The following OTULINL variants were observed in gnomAD, a reference collection of about 807,000 sequenced individuals.
OTULINL encodes the protein inactive ubiquitin thioesterase OTULINL.
In OTULINL, 42 loss-of-function variants were observed where a neutral mutation model predicts 43.9. That is an observed-to-expected ratio of 0.96 (90% CI 0.75 to 1.24). OTULINL has a LOEUF of 1.24. Ranked by LOEUF, OTULINL falls within the 50% of genes most tolerant of loss-of-function variation. OTULINL has a pLI of 0.00. For synonymous variants in OTULINL, 172 were observed against 153.6 expected, an observed-to-expected ratio of 1.12 and a Z score of -0.88; for missense variants, 411 against 426.4, an observed-to-expected ratio of 0.96 and a Z score of 0.32.
Position 14,614,536 on chromosome 5 carries a change from GA to G in OTULINL, c.*4226del, listed in dbSNP as rs1759638993. ...ATCCCATCATATTCCTTTAGGCCAAGAAAAGGAAAGCTGATTTGGATTATAT... is the reference window on the plus strand; with the variant it reads ...ATCCCATCATATTCCTTTAGGCCAAGAAAGGAAAGCTGATTTGGATTATAT... On this transcript the variant is annotated 3_prime_UTR_variant, in exon 8 of 8. Coordinates refer to ENST00000274217, the MANE Select transcript of OTULINL (RefSeq NM_019018.3). 2.5e-6 allele frequency: 1 copy of G among 398,350 alleles called. No individual in the cohort carries two copies. The highest frequency in any genetic ancestry group is 4.4e-6 in the Non-Finnish European group (1 of 226,056). The allele number at this position is 398,350 out of a possible 1,614,324, so 24.7% of individuals were successfully genotyped here.
chr5:14,608,895 A>G lies in OTULINL; in HGVS notation c.775A>G (p.Lys259Glu). 6.2e-7 allele frequency: 1 copy of G among 1,614,202 alleles called. No individual in the cohort carries two copies. The highest frequency in any genetic ancestry group is 8.5e-7 in the Non-Finnish European group (1 of 1,180,020). Residue 259 changes from lysine (K) to glutamate (E), a missense_variant, in exon 7 of 8, where the codon AAG (lysine) becomes GAG (glutamate). By Grantham distance (56) the Lys-to-Glu change is moderately conservative. Transcript: ENST00000274217. ...YQVTEVYEQMKTKKVIPSLFR... is the reference protein window; with the variant it reads ...YQVTEVYEQMETKKVIPSLFR... ...AGTCACTGAAGTTTATGAACAAATG[A>G]AGACTAAAAAGGTCATTCCCAGTCT...
At position 14,614,923 on chromosome 5, in the gene OTULINL, TGA is replaced by T. The variant is rs960779053; in HGVS notation, c.*4613_*4614del. On this transcript the variant is annotated 3_prime_UTR_variant, in exon 8 of 8. Coordinates refer to ENST00000274217, the MANE Select transcript of OTULINL (RefSeq NM_019018.3). ...AGTCATTTTGCTGCCACCAGACCAG[TGA>T]GAGTCACTCACTTATTTGTAATGAT... 2.0e-4 allele frequency: 81 copies of T among 396,498 alleles called. 1 individual carries two copies. Among genetic ancestry groups the T allele is most frequent in the Middle Eastern group, 6.3e-4 (1 of 1,600 alleles). The allele number at this position is 396,498 out of a possible 1,614,324, so 24.6% of individuals were successfully genotyped here.
intron 1 of OTULINL, among the ~76,000 whole-genome samples, chr5:14,599,455 C>T (rs1759346476): frequency 6.6e-6 from 1 of 151,672 alleles, no homozygotes; most frequent in East Asian, 1.9e-4. Flanking sequence ...ACCATTGCTA[C>T]TCCATCCTGG....
chr5:14,601,010 T>C lies in OTULINL; in HGVS notation c.110T>C (p.Leu37Ser). 6.2e-7 allele frequency: 1 copy of C among 1,609,378 alleles called. No homozygotes were observed. The highest frequency in any genetic ancestry group is 1.1e-5 in the South Asian group (1 of 90,104). ...TGGATGCTAGCTACAAGCCAAGCCT[T>C]AGACACTGTCTGGAGAATGGCAAAA... ...HSWMLATSQA[L>S]DTVWRMAKGF... The change falls in exon 2 of 8, where the codon TTA (leucine) becomes TCA (serine). Residue 37 changes from leucine (L) to serine (S), a missense_variant. Leu to Ser is a moderately radical substitution (Grantham distance 145). Coordinates refer to ENST00000274217, the MANE Select transcript of OTULINL (RefSeq NM_019018.3).
In OTULINL at chr5:14,581,949, C is replaced by A; in HGVS notation, c.55C>A (p.Pro19Thr). ...RARERERSGAPAAGSDQVHSW... is the reference protein window; with the variant it reads ...RARERERSGATAAGSDQVHSW... Reference sequence around the variant, plus strand: ...AAGGGAGCGGGAGCGGTCTGGCGCTCCCGCCGCAGGTGAGCCTGGGGCCGG... The same window carrying A: ...AAGGGAGCGGGAGCGGTCTGGCGCTACCGCCGCAGGTGAGCCTGGGGCCGG... Residue 19 changes from proline to threonine, a missense_variant, in exon 1 of 8, where the codon CCC (proline) becomes ACC (threonine). Pro to Thr is a conservative substitution (Grantham distance 38). Transcript: ENST00000274217. 1 of 1,362,318 alleles carries A rather than the reference C, an allele frequency of 7.3e-7. No homozygotes were observed. The highest frequency in any genetic ancestry group is 9.5e-7 in the Non-Finnish European group (1 of 1,057,902). The allele number at this position is 1,362,318 out of a possible 1,614,324, so 84.4% of individuals were successfully genotyped here.
chr5:14,581,831 C>T lies in OTULINL; in HGVS notation c.-64C>T. The stretch of plus-strand genomic sequence containing the variant: ...AGCCCGGGCGCCGGCGGGCGGCCGT[C>T]GCGTCTGACAGACCACTGCAGACCA... On this transcript the variant is annotated 5_prime_UTR_variant, in exon 1 of 8. Coordinates refer to ENST00000274217, the MANE Select transcript of OTULINL (RefSeq NM_019018.3). 3 of 1,264,492 alleles carry T rather than the reference C, an allele frequency of 2.4e-6. No homozygotes were observed. Among genetic ancestry groups the T allele is most frequent in the South Asian group, 2.2e-5 (1 of 45,846 alleles). The allele number at this position is 1,264,492 out of a possible 1,614,324, so 78.3% of individuals were successfully genotyped here.
chr5:14,595,154 C>T (rs1327549119), intron 1 of OTULINL, among the ~76,000 whole-genome samples: 1 of 152,200 alleles, frequency 6.6e-6, no homozygotes, highest in Non-Finnish European at 1.5e-5. Context: ...TGTCCCTGCT[C>T]CCTGGCCTGC....
rs529700692 is a variant in OTULINL, at chr5:14,602,060, A to G, written c.349-123A>G. 2.3e-5 allele frequency: 16 copies of G among 680,890 alleles called. No individual in the cohort carries two copies. In the South Asian group the frequency reaches 3.9e-4, roughly 17 times the overall value. The allele number at this position is 680,890 out of a possible 1,614,324, so 42.2% of individuals were successfully genotyped here. A position where few individuals can be genotyped will look rare whatever the true frequency, so the allele number is the denominator to read the frequency against. On this transcript the variant is annotated intron_variant, in intron 4 of 7. Transcript: ENST00000274217. Reference sequence around the variant, plus strand: ...AAAATTACATGCGGTCATATTCGTAATTTATCATTGTTTCTGTTGTCCACT... The same window carrying G: ...AAAATTACATGCGGTCATATTCGTAGTTTATCATTGTTTCTGTTGTCCACT...
intron 1 of OTULINL, 107 bp downstream of exon 1, chr5:14,582,065 G>T (rs966671114): frequency 8.2e-5 from 67 of 818,464 alleles, no homozygotes; most frequent in Admixed American, 2.3e-4. Context: ...GGCCACCTTC[G>T]CTGCCTGTTG....
At chr5:14,597,475 T>C (rs1331480465) in intron 1 of OTULINL, among the ~76,000 whole-genome samples, 2 of 152,236 alleles carry the variant, frequency 1.3e-5, no homozygotes, top group Admixed American at 1.3e-4. Flanking sequence ...TAGAGACTTC[T>C]TACTGCCTGC....
At chr5:14,605,927 C>T (rs1759467603) in intron 5 of OTULINL, among the ~76,000 whole-genome samples, 1 of 152,330 alleles carries the variant, frequency 6.6e-6, no homozygotes, top group Admixed American at 6.5e-5. Context: ...CTGTCCTCTT[C>T]TGAGCACTCC....
rs1361263749 is a variant in OTULINL at position 14,610,789 on chromosome 5, A to G, written c.*475A>G. The G allele has an allele frequency of 3.2e-5, 5 of 156,376 alleles. No individual in the cohort carries two copies. The highest frequency in any genetic ancestry group is 2.5e-4 in the Admixed American group (4 of 16,272). The allele number at this position is 156,376 out of a possible 1,614,324, so 9.7% of individuals were successfully genotyped here. ...TTACCTTCCCAGGAATCTTTGTTGT[A>G]TATTAATTTTTGATAACCATTTGAT... is the stretch of plus-strand genomic sequence containing the variant. On this transcript the variant is annotated 3_prime_UTR_variant, in exon 8 of 8. Transcript: ENST00000274217.
intron 7 of OTULINL, among the ~76,000 whole-genome samples, chr5:14,609,847 T>C (rs943761481): frequency 6.6e-6 from 1 of 152,196 alleles, no homozygotes; most frequent in Non-Finnish European, 1.5e-5. Flanking sequence ...TTCGATCTCC[T>C]GACCTCGTGA....
At chr5:14,581,981 C>T in intron 1 of OTULINL, 23 bp downstream of exon 1, 2 of 499,018 alleles carry the variant, frequency 4.0e-6, no homozygotes, top group Non-Finnish European at 3.2e-6. Context: ...CCGGGCGGGG[C>T]GGGGCGGGGG....
At chr5:14,601,750 C>T (rs1338095903) in intron 4 of OTULINL, among the ~76,000 whole-genome samples, 1 of 152,154 alleles carries the variant, frequency 6.6e-6, no homozygotes, top group East Asian at 1.9e-4. Context: ...TGGAGACTGT[C>T]TTTGAAAAGA....
In OTULINL at chr5:14,615,089, A is replaced by G. The variant is rs759417819; in HGVS notation, c.*4775A>G. ...AAACAGAAACATCAAGGTGTCAGCA[A>G]TCATGATTTTGTTTTGCTTGTTCAC... is the stretch of plus-strand genomic sequence containing the variant. On this transcript the variant is annotated 3_prime_UTR_variant, in exon 8 of 8. Transcript: ENST00000274217. 1.4e-5 allele frequency: 3 copies of G among 215,000 alleles called. No individual in the cohort carries two copies. Among genetic ancestry groups the G allele is most frequent in the South Asian group, 1.9e-4 (1 of 5,396 alleles). The allele number at this position is 215,000 out of a possible 1,614,324, so 13.3% of individuals were successfully genotyped here. A position where few individuals can be genotyped will look rare whatever the true frequency, so the allele number is the denominator to read the frequency against.
chr5:14,595,739 A>G (rs1005504432), intron 1 of OTULINL, among the ~76,000 whole-genome samples: 7 of 129,756 alleles, frequency 5.4e-5, no homozygotes, highest in Middle Eastern at 6.0e-3. Context: ...TTAGTTTCTG[A>G]TATTCACTTT....
intron 5 of OTULINL, among the ~76,000 whole-genome samples, chr5:14,603,871 A>G (rs1474835181): frequency 6.6e-6 from 1 of 152,202 alleles, no homozygotes; most frequent in African/African-American, 2.4e-5. Flanking sequence ...ATAGAGGTGC[A>G]AAGAAATATA....
At chr5:14,582,915 G>T (rs1759040194) in intron 1 of OTULINL, among the ~76,000 whole-genome samples, 1 of 151,752 alleles carries the variant, frequency 6.6e-6, no homozygotes, top group Non-Finnish European at 1.5e-5. Flanking sequence ...CCGCTGGCTC[G>T]GTAGCGGGGT....
Sources: allele counts gnomAD v4.1 joint callset (sites outside exome capture counted in the v4.1 genomes callset), GRCh38; gene constraint gnomAD v4.1.1; transcripts MANE v1.5; gene names NCBI Gene and HGNC (gene_info 2026-07-23, HGNC 2026-07-21).